OGDH: variants seen among roughly 807,000 people sequenced by gnomAD.
OGDH encodes the protein 2-oxoglutarate dehydrogenase complex component E1.
In OGDH, 38 loss-of-function variants were observed where a neutral mutation model predicts 116.6. The observed-to-expected ratio is 0.33, with a 90% confidence interval of 0.25 to 0.43. The LOEUF is 0.43. Ranked by LOEUF, OGDH falls within the 20% of genes least tolerant of loss-of-function variation. The pLI is 1.00. For synonymous variants in OGDH, 488 were observed against 533.3 expected (o/e 0.92, Z 1.17); for missense variants, 825 against 1,357.2 (o/e 0.61, Z 6.16).
chr7:44,606,835 C>G (rs1014839205), intron 1 of OGDH, among the ~76,000 whole-genome samples, 182 bp downstream of exon 1: 26 of 152,262 alleles, frequency 1.7e-4, no homozygotes, highest in African/African-American at 6.0e-4. Flanking sequence ...GGGACGGGAC[C>G]TGATGGATGG....
intron 2 of OGDH, among the ~76,000 whole-genome samples, chr7:44,636,886 TTGA>T (rs1039683307): frequency 7.9e-5 from 12 of 152,150 alleles, no homozygotes; most frequent in Admixed American, 5.2e-4. Context: ...CAGCAACAAG[TTGA>T]TGATCTTAAA....
intron 4 of OGDH, among the ~76,000 whole-genome samples, chr7:44,652,984 T>A (rs1786520521): frequency 6.6e-6 from 1 of 152,104 alleles, no homozygotes; most frequent in South Asian, 2.1e-4. Flanking sequence ...AATGGAAAGG[T>A]CTAGACAGTG....
At chr7:44,698,147 A>T (rs1426922932) in intron 17 of OGDH, 45 bp from the exon 18 acceptor site, 1 of 1,599,128 alleles carries the variant, frequency 6.3e-7, no homozygotes, top group Admixed American at 1.7e-5. Context: ...GGCAAATGTC[A>T]GTACGCAAGA....
chr7:44,663,900 A>C (rs1248385309), intron 4 of OGDH, among the ~76,000 whole-genome samples: 1 of 152,034 alleles, frequency 6.6e-6, no homozygotes. Flanking sequence ...TGATCAAACC[A>C]GTACACTCCA....
intron 2 of OGDH, among the ~76,000 whole-genome samples, chr7:44,624,793 A>G (rs917263181): frequency 6.6e-6 from 1 of 152,166 alleles, no homozygotes; most frequent in African/African-American, 2.4e-5. Context: ...GAGGATGTGA[A>G]GAAGCATGTG....
chr7:44,663,406 G>A (rs948025605), intron 4 of OGDH, among the ~76,000 whole-genome samples: 6 of 152,220 alleles, frequency 3.9e-5, no homozygotes, highest in Admixed American at 2.6e-4. Context: ...ACCAAGGCAG[G>A]CAGATTGCTT....
intron 3 of OGDH, 160 bp from the exon 4 acceptor site, chr7:44,647,497 T>C: frequency 6.5e-7 from 1 of 1,540,634 alleles, no homozygotes; most frequent in Non-Finnish European, 8.7e-7. Flanking sequence ...GTTGTGTAAA[T>C]TTTGATGATG....
At chr7:44,654,220 A>G (rs1786585366) in intron 4 of OGDH, among the ~76,000 whole-genome samples, 1 of 152,246 alleles carries the variant, frequency 6.6e-6, no homozygotes, top group Non-Finnish European at 1.5e-5. Flanking sequence ...GTATAAATAA[A>G]TGGGAAGAAA....
At chr7:44,616,313 C>T (rs991484820) in intron 1 of OGDH, among the ~76,000 whole-genome samples, 6 of 152,114 alleles carry the variant, frequency 3.9e-5, no homozygotes, top group Admixed American at 1.3e-4. Flanking sequence ...CCACATCAGT[C>T]ATGGGCATCT....
intron 5 of OGDH, among the ~76,000 whole-genome samples, chr7:44,670,305 A>T (rs1202713754): frequency 2.0e-5 from 3 of 152,122 alleles, no homozygotes; most frequent in Non-Finnish European, 2.9e-5. Flanking sequence ...CCAGCTCTGT[A>T]ATTGGAAACA....
chr7:44,658,452 CTT>C (rs759195013), intron 4 of OGDH, among the ~76,000 whole-genome samples: 3 of 132,658 alleles, frequency 2.3e-5, no homozygotes, highest in Admixed American at 7.5e-5. Context: ...CATTCTAGGG[CTT>C]TTTTTTTTTT....
chr7:44,656,926 C>T (rs1786717048), intron 4 of OGDH, among the ~76,000 whole-genome samples: 1 of 152,226 alleles, frequency 6.6e-6, no homozygotes, highest in Non-Finnish European at 1.5e-5. Flanking sequence ...GCTGGGGGAT[C>T]ATCAGCCTGT....
intron 4 of OGDH, among the ~76,000 whole-genome samples, chr7:44,650,355 C>G (rs1786383398): frequency 6.6e-6 from 1 of 152,154 alleles, no homozygotes; most frequent in African/African-American, 2.4e-5. Flanking sequence ...AGCCACACTC[C>G]CTGCATTGGA....
intron 4 of OGDH, among the ~76,000 whole-genome samples, chr7:44,656,096 A>AGCT (rs1390127353): frequency 1.3e-5 from 2 of 151,958 alleles, no homozygotes; most frequent in Non-Finnish European, 2.9e-5. Flanking sequence ...ACCTTATTCC[A>AGCT]GCTGTTCTAT....
At chr7:44,637,496 T>C (rs1339676434) in intron 2 of OGDH, among the ~76,000 whole-genome samples, 2 of 152,360 alleles carry the variant, frequency 1.3e-5, no homozygotes, top group East Asian at 3.9e-4. Context: ...TGAATGAGAA[T>C]TACTGGATTT....
intron 18 of OGDH, 100 bp from the exon 19 acceptor site, chr7:44,700,041 C>T: frequency 7.8e-7 from 1 of 1,275,006 alleles, no homozygotes; most frequent in Non-Finnish European, 1.1e-6. Context: ...GAGATTTGGG[C>T]AGGGACAAAT....
chr7:44,700,779 G>A (rs776571002), intron 19 of OGDH, among the ~76,000 whole-genome samples: 4 of 152,194 alleles, frequency 2.6e-5, no homozygotes, highest in East Asian at 1.9e-4. Flanking sequence ...TTGTGAGGCC[G>A]AGGCAGGTGG....
At chr7:44,681,064 A>G (rs1787909796) in intron 9 of OGDH, among the ~76,000 whole-genome samples, 1 of 152,238 alleles carries the variant, frequency 6.6e-6, no homozygotes, top group African/African-American at 2.4e-5. Context: ...TTTGCCATCC[A>G]TCAACCACCC....
chr7:44,642,921 C>CA (rs1379033066), intron 2 of OGDH, among the ~76,000 whole-genome samples: 24,356 of 137,292 alleles, frequency 0.18, 4,768 homozygotes, highest in African/African-American at 0.47. Flanking sequence ...GACTCTGTCT[C>CA]AAAAAAAAAA....
Sources: allele counts gnomAD v4.1 joint callset (sites outside exome capture counted in the v4.1 genomes callset), GRCh38; gene constraint gnomAD v4.1.1; transcripts MANE v1.5; gene names NCBI Gene and HGNC (gene_info 2026-07-23, HGNC 2026-07-21).